The following WHRN variants were observed in gnomAD, a reference collection of about 807,000 sequenced individuals.
WHRN encodes CASK-interacting protein CIP98.
In WHRN, 41 loss-of-function variants were observed where a neutral mutation model predicts 68.3. The observed-to-expected ratio is 0.60, with a 90% CI of 0.47 to 0.78. WHRN has a LOEUF of 0.78. WHRN is among the 30% of genes least tolerant of loss of function. WHRN has a pLI of 0.00. For missense variants in WHRN, 1,243 were observed against 1,244.7 expected (o/e 1.00, Z 0.02); for synonymous variants, 560 against 561.3 (o/e 1.00, Z 0.03).
intron 7 of WHRN, among the ~76,000 whole-genome samples, chr9:114,412,778 G>A (rs1433960210): frequency 1.3e-5 from 2 of 152,306 alleles, no homozygotes; most frequent in South Asian, 2.1e-4. Flanking sequence ...AAATGAAGAG[G>A]GGCAACCTTT....
chr9:114,485,561 G>A (rs542918691), intron 1 of WHRN, among the ~76,000 whole-genome samples: 7 of 152,188 alleles, frequency 4.6e-5, no homozygotes, highest in Admixed American at 6.5e-5. Flanking sequence ...GCATGGTGGC[G>A]GGTGGCTGTA....
chr9:114,496,906 T>C (rs1473675657), intron 1 of WHRN, among the ~76,000 whole-genome samples: 1 of 152,230 alleles, frequency 6.6e-6, no homozygotes, highest in East Asian at 1.9e-4. Context: ...GCAAGATAGT[T>C]AAGGATGGGG....
At chr9:114,437,499 C>G (rs551368400) in intron 3 of WHRN, among the ~76,000 whole-genome samples, 2 of 152,296 alleles carry the variant, frequency 1.3e-5, no homozygotes, top group Admixed American at 1.3e-4. Context: ...TGTCCCCCCC[C>G]AAATTCCTAC....
intron 7 of WHRN, among the ~76,000 whole-genome samples, chr9:114,417,119 GCTCT>G (rs1468727177): frequency 6.6e-6 from 1 of 152,226 alleles, no homozygotes; most frequent in Non-Finnish European, 1.5e-5. Context: ...CTCAGGGCTG[GCTCT>G]CTGTTAGACA....
At chr9:114,449,445 T>C (rs547683417) in intron 3 of WHRN, among the ~76,000 whole-genome samples, 1 of 152,366 alleles carries the variant, frequency 6.6e-6, no homozygotes, top group African/African-American at 2.4e-5. Context: ...CTAATGGGCG[T>C]GCCCAGAGAA....
chr9:114,408,046 G>T, intron 7 of WHRN, 28 bp from the exon 8 acceptor site: 1 of 1,560,176 alleles, frequency 6.4e-7, no homozygotes, highest in Non-Finnish European at 8.7e-7. Context: ...AGCAAAGTGA[G>T]CAAACAGAAG....
chr9:114,428,663 G>A (rs750002438), intron 3 of WHRN, among the ~76,000 whole-genome samples: 1 of 152,138 alleles, frequency 6.6e-6, no homozygotes, highest in Non-Finnish European at 1.5e-5. Flanking sequence ...TGGGGACCAC[G>A]TGATATCGCT....
intron 7 of WHRN, among the ~76,000 whole-genome samples, chr9:114,414,201 A>G (rs537632942): frequency 6.6e-6 from 1 of 152,320 alleles, no homozygotes; most frequent in East Asian, 1.9e-4. Context: ...TTCACGTCAC[A>G]TTCCAGCTGC....
At chr9:114,458,146 T>C (rs935626104) in intron 3 of WHRN, among the ~76,000 whole-genome samples, 7 of 152,164 alleles carry the variant, frequency 4.6e-5, no homozygotes, top group African/African-American at 1.7e-4. Context: ...AGAGAAATAA[T>C]TTACCGGGAT....
chr9:114,498,330 A>G (rs906157589), intron 1 of WHRN, among the ~76,000 whole-genome samples: 1 of 152,180 alleles, frequency 6.6e-6, no homozygotes, highest in African/African-American at 2.4e-5. Context: ...GCAAAAGGAT[A>G]GAGGAGTGGG....
At position 114,426,357 on chromosome 9, in the gene WHRN, G is replaced by A. The variant is rs745837106; in HGVS notation, c.1020C>T (p.Asp340=). The A allele has an allele frequency of 4.8e-5, 77 of 1,613,984 alleles. No individual in the cohort carries two copies. The highest frequency in any genetic ancestry group is 1.7e-4 in the Middle Eastern group (1 of 6,020). Residue 340 remains aspartate, a synonymous_variant, in exon 4 of 12, where the codon GAC becomes GAT. Coordinates refer to ENST00000362057, the MANE Select transcript of WHRN (RefSeq NM_015404.4). ...ATGACTTAAGCAGCCTGACAGCCTC[G>A]TCGTGTAGGATGTTGAGAAAGCTCC... ...NGRSFLNILH[D]EAVRLLKSSR...
intron 3 of WHRN, among the ~76,000 whole-genome samples, chr9:114,451,173 G>T (rs987091138): frequency 6.6e-6 from 1 of 152,212 alleles, no homozygotes; most frequent in Non-Finnish European, 1.5e-5. Flanking sequence ...CGTGGGCAAA[G>T]CCCATCCAAG....
At chr9:114,450,301 G>A (rs1839207786) in intron 3 of WHRN, among the ~76,000 whole-genome samples, 1 of 152,184 alleles carries the variant, frequency 6.6e-6, no homozygotes, top group South Asian at 2.1e-4. Context: ...TCGAAAGCAG[G>A]GGCAGTGTGG....
chr9:114,424,211 G>GTC, intron 6 of WHRN, 123 bp downstream of exon 6: 1 of 1,165,006 alleles, frequency 8.6e-7, no homozygotes, highest in Non-Finnish European at 1.3e-6. Context: ...TCAGTCCCAG[G>GTC]TCTCTGCCCA....
intron 1 of WHRN, among the ~76,000 whole-genome samples, chr9:114,497,573 T>A (rs796783973): frequency 2.0e-5 from 3 of 151,634 alleles, no homozygotes; most frequent in African/African-American, 7.3e-5. Flanking sequence ...AGAAGATATA[T>A]CTCACCCAAA....
chr9:114,491,745 T>C (rs1842989671), intron 1 of WHRN: 2 of 271,020 alleles, frequency 7.4e-6, no homozygotes, highest in East Asian at 7.8e-5. Context: ...CCAAGTAGCT[T>C]TGTGCTTCGT....
chr9:114,443,627 C>T (rs1838573529), intron 3 of WHRN, among the ~76,000 whole-genome samples: 1 of 152,160 alleles, frequency 6.6e-6, no homozygotes, highest in African/African-American at 2.4e-5. Context: ...GCTTTTATTC[C>T]CTCTGCCATA....
chr9:114,476,292 G>A (rs1454897819), intron 2 of WHRN, among the ~76,000 whole-genome samples: 1 of 151,970 alleles, frequency 6.6e-6, no homozygotes, highest in Non-Finnish European at 1.5e-5. Context: ...GAGTTATTGA[G>A]ACTCCCAGAG....
At chr9:114,474,970 G>A (rs10982238) in intron 2 of WHRN, among the ~76,000 whole-genome samples, 51,156 of 151,842 alleles carry the variant, frequency 0.34, 9,351 homozygotes, top group Admixed American at 0.39. Flanking sequence ...TCACACCCAC[G>A]AGGACAGCTA....
Sources: gnomAD v4.1 joint callset for allele counts (sites outside exome capture counted in the v4.1 genomes callset) on GRCh38, gnomAD v4.1.1 for gene constraint, MANE v1.5 for transcripts, NCBI Gene and HGNC (gene_info 2026-07-23, HGNC 2026-07-21) for gene names.